Variants in VWF observed in about 807,000 individuals in gnomAD.
VWF encodes Factor VIII related antigen.
A neutral mutation model predicts 308.6 loss-of-function variants in VWF; 176 were observed. The observed-to-expected ratio is 0.57, with a 90% CI of 0.50 to 0.65. VWF has a LOEUF of 0.65. Ranked by LOEUF, VWF falls within the 30% of genes least tolerant of loss-of-function variation. The pLI is 0.00. For synonymous variants in VWF, 1,385 were observed against 1,443.4 expected, an observed-to-expected ratio of 0.96 and a Z score of 0.92; for missense variants, 3,146 against 3,648.2, an observed-to-expected ratio of 0.86 and a Z score of 3.55.
Position 6,011,601 on chromosome 12 carries a change from G to T in VWF, c.5842+16C>A. ...CCCCTTTGACGCTGCCCTGGCTGGA[G>T]AAGCAAAGGACTCACAGGGGCAGGT... On this transcript the variant is annotated intron_variant, in intron 34 of 51. Coordinates refer to ENST00000261405, the MANE Select transcript of VWF (RefSeq NM_000552.5). The T allele has an allele frequency of 1.3e-6, 2 of 1,596,360 alleles. No individual in the cohort carries two copies. Among genetic ancestry groups the T allele is most frequent in the African/African-American group, 1.3e-5 (1 of 74,936 alleles).
At chr12:5,989,719 G>A (rs979978924) in intron 38 of VWF, among the ~76,000 whole-genome samples, 1 of 152,186 alleles carries the variant, frequency 6.6e-6, no homozygotes, top group South Asian at 2.1e-4. Context: ...GGGGTTTGGA[G>A]ACACTAAGAT....
At chr12:5,951,911 G>T (rs372238216) in intron 49 of VWF, 28 bp from the exon 50 acceptor site, 8 of 1,613,642 alleles carry the variant, frequency 5.0e-6, no homozygotes, top group Non-Finnish European at 6.8e-6. Context: ...TTTCAGGTTA[G>T]GCACAAACAG....
intron 15 of VWF, 122 bp downstream of exon 15, chr12:6,056,735 G>C: frequency 1.1e-6 from 1 of 883,418 alleles, no homozygotes; most frequent in Middle Eastern, 3.8e-4. Context: ...CCCCACCCGT[G>C]TTTGTCACAA....
In VWF at chr12:6,062,937, C is replaced by A; in HGVS notation, c.1533+17G>T. The A allele has an allele frequency of 6.2e-7, 1 of 1,607,792 alleles. No individual in the cohort carries two copies. Among genetic ancestry groups the A allele is most frequent in the African/African-American group, 1.3e-5 (1 of 74,958 alleles). The stretch of plus-strand genomic sequence containing the variant: ...GGGTCGGGCCGCAGGGAGCCAGTAC[C>A]CCGTGAGGGCACCTACCTTCACCAG... On this transcript the variant is annotated intron_variant, in intron 13 of 51. Transcript: ENST00000261405.
intron 22 of VWF, among the ~76,000 whole-genome samples, chr12:6,027,562 T>C (rs979767719): frequency 2.0e-5 from 3 of 152,074 alleles, no homozygotes; most frequent in African/African-American, 7.3e-5. Flanking sequence ...CAAAAGGTGC[T>C]GTGACAGACA....
rs568757597 is a variant in VWF, at chr12:5,969,614, G to A, written c.7549-223C>T. ...CAAAATCACCTGACTGAGGCACCCAGGCAAGCACCTTGGAGAAGCCAGGGG... is the reference window on the plus strand; with the variant it reads ...CAAAATCACCTGACTGAGGCACCCAAGCAAGCACCTTGGAGAAGCCAGGGG... On this transcript the variant is annotated intron_variant, in intron 44 of 51. Transcript: ENST00000261405. Among the ~76,000 whole-genome samples the A allele has an allele frequency of 3.3e-5, 5 of 152,364 alleles. No individual in the cohort carries two copies. In the South Asian group the frequency reaches 1.0e-3, roughly 32 times the overall value.
At position 5,982,335 on chromosome 12, in the gene VWF, CTGGG is replaced by C. The variant is rs71581022; in HGVS notation, c.7082-348_7082-345del. 9.9e-3 allele frequency among the ~76,000 whole-genome samples: 1,509 copies of C among 152,272 alleles called. 23 individuals are homozygous for C. Among genetic ancestry groups the C allele is most frequent in the Non-Finnish European group, 0.016 (1,110 of 68,026 alleles). On this transcript the variant is annotated intron_variant, in intron 41 of 51. Transcript: ENST00000261405. ...TGTAGAATCTCTAAGTCCAGTAGGT[CTGGG>C]TACACCACGCCCTGCTAAGCACTGT... is the stretch of plus-strand genomic sequence containing the variant.
At chr12:6,101,474 G>C (rs566013879) in intron 5 of VWF, among the ~76,000 whole-genome samples, 2 of 152,184 alleles carry the variant, frequency 1.3e-5, no homozygotes, top group South Asian at 4.1e-4. Context: ...GATTAAAAAA[G>C]GGATGAAATA....
intron 6 of VWF, among the ~76,000 whole-genome samples, chr12:6,092,407 A>G (rs1383793258): frequency 6.6e-6 from 1 of 151,308 alleles, no homozygotes; most frequent in Non-Finnish European, 1.5e-5. Flanking sequence ...TAGTGATGCA[A>G]TCTCAACTCA....
chr12:6,052,672 C>A lies in VWF; in HGVS notation c.2057G>T (p.Gly686Val). Residue 686 changes from glycine (G) to valine (V), a missense_variant, in exon 16 of 52, where the codon GGC becomes GTC. This residue lies in a region of VWF where 1,304 missense variants were observed against 1,353.0 expected (regional missense o/e 0.96). Coordinates refer to ENST00000261405, the MANE Select transcript of VWF (RefSeq NM_000552.5). ...DEECNEACLE[G>V]CFCPPGLYMD... is the part of the protein sequence containing the mutation. ...GTAGAGCCCTGGGGGGCAGAAGCAG[C>A]CCTCCAGGCAGGCCTCATTGCATTC... 6.2e-7 allele frequency: 1 copy of A among 1,614,226 alleles called. No homozygotes were observed. The highest frequency in any genetic ancestry group is 8.5e-7 in the Non-Finnish European group (1 of 1,180,044).
chr12:6,001,770 C>T (rs549762361), intron 34 of VWF, among the ~76,000 whole-genome samples: 9 of 152,112 alleles, frequency 5.9e-5, no homozygotes, highest in East Asian at 1.9e-4. Context: ...AGGAAGAGAG[C>T]GAGGGATCTC....
intron 47 of VWF, among the ~76,000 whole-genome samples, chr12:5,958,426 G>A (rs954781352): frequency 6.6e-6 from 1 of 152,206 alleles, no homozygotes; most frequent in African/African-American, 2.4e-5. Flanking sequence ...GTGGCTTCAT[G>A]CCCGTAATAT....
At chr12:6,090,201 C>T (rs146760599) in intron 6 of VWF, among the ~76,000 whole-genome samples, 3,658 of 152,262 alleles carry the variant, frequency 0.024, 180 homozygotes, top group African/African-American at 0.083. Flanking sequence ...TCGTGATCCA[C>T]CCACCTCAGC....
intron 34 of VWF, among the ~76,000 whole-genome samples, chr12:6,001,787 TACACCCTGATAA>T (rs1161781867): frequency 6.6e-6 from 1 of 152,162 alleles, no homozygotes; most frequent in Non-Finnish European, 1.5e-5. Context: ...TCTCATACTC[TACACCCTGATAA>T]TAGAGAATAC....
chr12:6,083,359 C>T (rs1454529759), intron 6 of VWF, among the ~76,000 whole-genome samples: 3 of 152,138 alleles, frequency 2.0e-5, no homozygotes, highest in Admixed American at 2.0e-4. Flanking sequence ...TCACTTGAGT[C>T]CAGGAGTTTG....
chr12:5,971,005 G>C (rs1050219911), intron 44 of VWF, among the ~76,000 whole-genome samples: 1 of 152,208 alleles, frequency 6.6e-6, no homozygotes, highest in Non-Finnish European at 1.5e-5. Flanking sequence ...CAGCACATGG[G>C]GGACAGCTGA....
chr12:6,118,971 A>G (rs1281924681), intron 3 of VWF, among the ~76,000 whole-genome samples: 1 of 152,208 alleles, frequency 6.6e-6, no homozygotes, highest in Non-Finnish European at 1.5e-5. Context: ...CTTATTTGTC[A>G]TGCCCTGGGG....
intron 38 of VWF, among the ~76,000 whole-genome samples, chr12:5,991,234 A>G (rs1157523212): frequency 1.3e-5 from 2 of 151,904 alleles, no homozygotes; most frequent in African/African-American, 4.8e-5. Flanking sequence ...CCATGATCAA[A>G]TAAGTTTGAG....
chr12:5,965,730 A>G (rs1943394426), intron 47 of VWF, among the ~76,000 whole-genome samples: 1 of 152,110 alleles, frequency 6.6e-6, no homozygotes, highest in African/African-American at 2.4e-5. Flanking sequence ...AGCTACCCCC[A>G]ACCCAGGAGG....
Sources: allele counts gnomAD v4.1 joint callset (sites outside exome capture counted in the v4.1 genomes callset), GRCh38; gene constraint gnomAD v4.1.1; regional missense constraint gnomAD v4.1.1; transcripts MANE v1.5; gene names NCBI Gene and HGNC (gene_info 2026-07-23, HGNC 2026-07-21).